Variants in UNC5D observed in about 807,000 individuals in gnomAD.
UNC5D encodes the protein unc-5 netrin receptor D.
In UNC5D, 39 loss-of-function variants were observed where a neutral mutation model predicts 105.4. The ratio of observed to expected loss-of-function variants is 0.37; its 90% confidence interval spans 0.29 to 0.48. UNC5D has a LOEUF of 0.48. Among genes scored for constraint, UNC5D ranks in the 20% least tolerant of loss-of-function variants. The probability of loss-of-function intolerance (pLI) is 0.98; values close to 1 mark genes in which losing one functional copy is unlikely to be tolerated. For synonymous variants in UNC5D, 452 were observed against 450.4 expected (o/e 1.00, Z -0.04); for missense variants, 991 against 1,202.4 (o/e 0.82, Z 2.60).
chr8:35,343,228 C>G (rs1811578048), intron 1 of UNC5D, among the ~76,000 whole-genome samples: 1 of 152,030 alleles, frequency 6.6e-6, no homozygotes, highest in African/African-American at 2.4e-5. Flanking sequence ...TCGAGCTCTC[C>G]TCTTTTTCTT....
intron 4 of UNC5D, among the ~76,000 whole-genome samples, chr8:35,664,218 C>T (rs1029702746): frequency 6.6e-6 from 1 of 152,100 alleles, no homozygotes; most frequent in Non-Finnish European, 1.5e-5. Context: ...CTAAAGCCCA[C>T]AAAGAAGCAC....
chr8:35,477,412 A>G (rs1398271562), intron 1 of UNC5D, among the ~76,000 whole-genome samples: 1 of 151,992 alleles, frequency 6.6e-6, no homozygotes, highest in African/African-American at 2.4e-5. Context: ...CATAGTTTTA[A>G]AATCAGCATC....
At chr8:35,300,225 A>G (rs912069789) in intron 1 of UNC5D, among the ~76,000 whole-genome samples, 2 of 152,024 alleles carry the variant, frequency 1.3e-5, no homozygotes, top group Non-Finnish European at 2.9e-5. Context: ...AGGTGGGCAC[A>G]TCACCTGAGG....
chr8:35,247,209 T>A (rs995800055), intron 1 of UNC5D, among the ~76,000 whole-genome samples: 8 of 149,222 alleles, frequency 5.4e-5, no homozygotes, highest in Non-Finnish European at 8.9e-5. Flanking sequence ...TTTACCCTTC[T>A]GTTAAAGGAT....
chr8:35,338,929 C>T (rs765218732), intron 1 of UNC5D, among the ~76,000 whole-genome samples: 18 of 151,744 alleles, frequency 1.2e-4, no homozygotes, highest in Admixed American at 3.3e-4. Flanking sequence ...CCTGTATGTA[C>T]CTTGGGGCTG....
intron 1 of UNC5D, among the ~76,000 whole-genome samples, chr8:35,382,532 A>G (rs148641996): frequency 2.1e-3 from 316 of 152,350 alleles, no homozygotes; most frequent in Non-Finnish European, 3.6e-3. Context: ...TGTATTATTT[A>G]TAAAAGTACA....
chr8:35,632,895 C>G (rs1586297128), intron 4 of UNC5D, among the ~76,000 whole-genome samples: 1 of 152,294 alleles, frequency 6.6e-6, no homozygotes, highest in South Asian at 2.1e-4. Flanking sequence ...CTTTCCTGGT[C>G]CAAAACTACT....
intron 1 of UNC5D, among the ~76,000 whole-genome samples, chr8:35,367,091 C>T (rs1022264161): frequency 1.3e-5 from 2 of 152,094 alleles, no homozygotes; most frequent in African/African-American, 4.8e-5. Context: ...CTTCATAGAA[C>T]CTCTCATATG....
chr8:35,470,953 T>C (rs551335124), intron 1 of UNC5D, among the ~76,000 whole-genome samples: 1 of 152,122 alleles, frequency 6.6e-6, no homozygotes, highest in Non-Finnish European at 1.5e-5. Context: ...TGTTTGGGGT[T>C]GAGTTCCCAT....
chr8:35,746,997 A>C (rs1363595888), intron 11 of UNC5D, among the ~76,000 whole-genome samples: 1 of 152,180 alleles, frequency 6.6e-6, no homozygotes, highest in Non-Finnish European at 1.5e-5. Flanking sequence ...ACTGCTTTCC[A>C]GTCCCGCTCT....
chr8:35,778,487 C>G (rs769363306), intron 16 of UNC5D, among the ~76,000 whole-genome samples: 2 of 152,106 alleles, frequency 1.3e-5, no homozygotes, highest in Non-Finnish European at 1.5e-5. Context: ...TTTTAATACA[C>G]AGAAATCTAA....
intron 1 of UNC5D, among the ~76,000 whole-genome samples, chr8:35,421,486 G>A (rs1290315065): frequency 2.6e-5 from 4 of 152,114 alleles, no homozygotes; most frequent in African/African-American, 2.4e-5. Context: ...AGATATTCAG[G>A]CGATAAGTAC....
intron 4 of UNC5D, among the ~76,000 whole-genome samples, chr8:35,680,369 A>C (rs1255873549): frequency 6.6e-6 from 1 of 152,152 alleles, no homozygotes; most frequent in Non-Finnish European, 1.5e-5. Context: ...CTTTATTCTT[A>C]GTGCTACATA....
At chr8:35,353,881 G>C (rs1281192208) in intron 1 of UNC5D, among the ~76,000 whole-genome samples, 1 of 152,050 alleles carries the variant, frequency 6.6e-6, no homozygotes, top group Non-Finnish European at 1.5e-5. Flanking sequence ...TTACATAAGA[G>C]CAAAAAATTA....
At chr8:35,574,814 C>T (rs1008393898) in intron 3 of UNC5D, among the ~76,000 whole-genome samples, 2 of 152,136 alleles carry the variant, frequency 1.3e-5, no homozygotes, top group African/African-American at 4.8e-5. Context: ...AGTGGCATGA[C>T]CTAGATGCTT....
chr8:35,278,402 A>C (rs1805920748), intron 1 of UNC5D, among the ~76,000 whole-genome samples: 1 of 152,140 alleles, frequency 6.6e-6, no homozygotes, highest in Non-Finnish European at 1.5e-5. Flanking sequence ...CTTTATATCT[A>C]GCAAAAAAAT....
chr8:35,391,458 A>G lies in UNC5D; in HGVS notation c.103+155571A>G, dbSNP rs546758187. ...AATTAATGTATATTTTTATTTCTAT[A>G]ACTCTGTTTTTATATTTCTTCTCTT... On this transcript the variant is annotated intron_variant, in intron 1 of 16. Coordinates refer to ENST00000404895, the MANE Select transcript of UNC5D (RefSeq NM_080872.4). 4.6e-5 allele frequency among the ~76,000 whole-genome samples: 7 copies of G among 152,320 alleles called. 1 individual carries two copies. The highest frequency in any genetic ancestry group is 1.7e-4 in the African/African-American group (7 of 41,582).
intron 4 of UNC5D, among the ~76,000 whole-genome samples, chr8:35,643,677 G>A (rs1442752450): frequency 1.3e-5 from 2 of 152,090 alleles, no homozygotes; most frequent in Non-Finnish European, 2.9e-5. Context: ...ACTGGCCTGG[G>A]CTGCAGTTGA....
chr8:35,390,301 T>C (rs1803691684), intron 1 of UNC5D, among the ~76,000 whole-genome samples: 1 of 152,162 alleles, frequency 6.6e-6, no homozygotes, highest in Admixed American at 6.5e-5. Flanking sequence ...AATATGAGAT[T>C]TGGATGGGGT....
Sources: gnomAD v4.1 joint callset for allele counts (sites outside exome capture counted in the v4.1 genomes callset) on GRCh38, gnomAD v4.1.1 for gene constraint, MANE v1.5 for transcripts, NCBI Gene and HGNC (gene_info 2026-07-23, HGNC 2026-07-21) for gene names.